GSE1: variants seen among roughly 807,000 people sequenced by gnomAD.
The protein encoded by GSE1 is genetic suppressor element 1.
Under a neutral mutation model 112.6 loss-of-function variants are expected in GSE1, and 32 were observed. The observed-to-expected ratio is 0.28, with a 90% CI of 0.21 to 0.38. GSE1 has a LOEUF of 0.38. Ranked by LOEUF, GSE1 falls within the 10% of genes least tolerant of loss-of-function variation. GSE1 has a pLI of 1.00. For synonymous variants in GSE1, 1,115 were observed against 735.6 expected, an observed-to-expected ratio of 1.52 and a Z score of -8.35; for missense variants, 2,348 against 1,699.2, an observed-to-expected ratio of 1.38 and a Z score of -6.71.
chr16:85,618,695 C>T (rs560617704), intron 1 of GSE1, among the ~76,000 whole-genome samples: 3 of 152,382 alleles, frequency 2.0e-5, no homozygotes, highest in African/African-American at 7.2e-5. Context: ...TCTTGCTCTG[C>T]TGCCTAGGCT....
At chr16:85,439,533 G>GTC (rs1263258451) in intron 2 of GSE1, among the ~76,000 whole-genome samples, 5 of 128,228 alleles carry the variant, frequency 3.9e-5, no homozygotes, top group Admixed American at 2.5e-4. Context: ...CACACGGTCT[G>GTC]TCACACACAC....
chr16:85,669,518 G>A (rs756631890), intron 14 of GSE1, among the ~76,000 whole-genome samples: 5 of 152,008 alleles, frequency 3.3e-5, no homozygotes, highest in Non-Finnish European at 4.4e-5. Context: ...TCCTCCTCCC[G>A]TGGAATCTTT....
At chr16:85,180,475 G>T (rs1194419069) in intron 1 of GSE1, among the ~76,000 whole-genome samples, 1 of 152,262 alleles carries the variant, frequency 6.6e-6, no homozygotes, top group African/African-American at 2.4e-5. Flanking sequence ...GATGAGAGCT[G>T]CAAGGGGACG....
chr16:85,332,700 C>G (rs941891910), intron 1 of GSE1, among the ~76,000 whole-genome samples: 1 of 152,166 alleles, frequency 6.6e-6, no homozygotes, highest in Non-Finnish European at 1.5e-5. Flanking sequence ...TTTTCCCACG[C>G]TGGATTTGGT....
intron 1 of GSE1, among the ~76,000 whole-genome samples, chr16:85,177,594 G>T (rs989393675): frequency 6.6e-6 from 1 of 152,142 alleles, no homozygotes; most frequent in Admixed American, 6.5e-5. Flanking sequence ...CGTTGTGTAC[G>T]TGGTGTCTCA....
At chr16:85,234,530 C>T (rs1904398202) in intron 1 of GSE1, among the ~76,000 whole-genome samples, 1 of 152,080 alleles carries the variant, frequency 6.6e-6, no homozygotes, top group African/African-American at 2.4e-5. Flanking sequence ...GCTAGCGGAT[C>T]CCACTAAGGG....
intron 2 of GSE1, among the ~76,000 whole-genome samples, chr16:85,478,903 C>T (rs1169516277): frequency 1.3e-4 from 9 of 67,530 alleles, no homozygotes; most frequent in South Asian, 9.7e-4. Flanking sequence ...TTCTTTCTTT[C>T]TTTCTTTCTT....
chr16:85,452,916 C>A (rs2049726620), intron 2 of GSE1, among the ~76,000 whole-genome samples: 1 of 152,108 alleles, frequency 6.6e-6, no homozygotes, highest in Admixed American at 6.5e-5. Context: ...TCGCTCGGTG[C>A]CTCCAACCCC....
At chr16:85,412,926 G>T (rs1429586020) in intron 2 of GSE1, among the ~76,000 whole-genome samples, 1 of 152,230 alleles carries the variant, frequency 6.6e-6, no homozygotes, top group Admixed American at 6.5e-5. Flanking sequence ...CAGCCCCTGT[G>T]TGACTGTATT....
At chr16:85,349,962 C>G (rs2046821120) in intron 1 of GSE1, among the ~76,000 whole-genome samples, 1 of 152,216 alleles carries the variant, frequency 6.6e-6, no homozygotes, top group Non-Finnish European at 1.5e-5. Context: ...GTGCCCTGGA[C>G]ACTGTGCGGG....
intron 1 of GSE1, among the ~76,000 whole-genome samples, chr16:85,210,000 G>A (rs987275576): frequency 6.6e-6 from 1 of 152,188 alleles, no homozygotes; most frequent in Non-Finnish European, 1.5e-5. Flanking sequence ...ATGGGGACAC[G>A]GTTACAGTCT....
intron 2 of GSE1, among the ~76,000 whole-genome samples, chr16:85,382,099 A>G (rs2047559823): frequency 6.6e-6 from 1 of 152,196 alleles, no homozygotes; most frequent in African/African-American, 2.4e-5. Context: ...CGCTGTGATC[A>G]ATCTTGCGGC....
chr16:85,255,407 G>T lies in GSE1; in HGVS notation c.2283+83600G>T, dbSNP rs931484924. ...TCTGTAAAGTAGGGGTGATGTCAGT[G>T]CCTACTTTTTTTTTTTTTTTTTGAG... is the stretch of plus-strand genomic sequence containing the variant. On this transcript the variant is annotated intron_variant, in intron 1 of 2. Transcript: ENST00000637419. Among the ~76,000 whole-genome samples, 53 of 149,622 alleles carry T rather than the reference G, an allele frequency of 3.5e-4. 1 individual carries two copies. Among genetic ancestry groups the T allele is most frequent in the Non-Finnish European group, 1.0e-4 (7 of 67,688 alleles).
intron 1 of GSE1, chr16:85,581,972 C>G (rs1041143136): frequency 3.3e-5 from 5 of 152,314 alleles, no homozygotes; most frequent in Admixed American, 2.6e-4. Flanking sequence ...CTCCCCACCC[C>G]AAGTTGGGTG....
chr16:85,636,347 C>T (rs1262817964), intron 2 of GSE1, among the ~76,000 whole-genome samples: 2 of 152,190 alleles, frequency 1.3e-5, no homozygotes, highest in Admixed American at 6.5e-5. Context: ...GGATGTGGAG[C>T]AGTGTTTGGG....
At chr16:85,218,523 C>T (rs1485123487) in intron 1 of GSE1, among the ~76,000 whole-genome samples, 4 of 152,218 alleles carry the variant, frequency 2.6e-5, no homozygotes, top group African/African-American at 4.8e-5. Context: ...AGTGGTAAAA[C>T]GCGGCCTTTG....
intron 1 of GSE1, among the ~76,000 whole-genome samples, chr16:85,625,957 C>T (rs2049040091): frequency 6.6e-6 from 1 of 152,046 alleles, no homozygotes; most frequent in African/African-American, 2.4e-5. Context: ...CACAGGTTGC[C>T]CCCGCCCACC....
At chr16:85,343,141 G>A (rs1007087436) in intron 1 of GSE1, among the ~76,000 whole-genome samples, 2 of 152,084 alleles carry the variant, frequency 1.3e-5, no homozygotes, top group East Asian at 2.0e-4. Context: ...AAAGCGTGGC[G>A]CGTCCACACT....
chr16:85,358,541 T>A (rs1029079539), intron 2 of GSE1, among the ~76,000 whole-genome samples: 3 of 152,036 alleles, frequency 2.0e-5, no homozygotes, highest in African/African-American at 7.2e-5. Context: ...GTTATTGGGC[T>A]GAGCCGGGGA....
Sources: gnomAD v4.1 joint callset for allele counts (sites outside exome capture counted in the v4.1 genomes callset) on GRCh38, gnomAD v4.1.1 for gene constraint, MANE v1.5 for transcripts, NCBI Gene and HGNC (gene_info 2026-07-23, HGNC 2026-07-21) for gene names.